The following XKR6 variants were observed in gnomAD, a reference collection of about 807,000 sequenced individuals.
The protein encoded by XKR6 is XK-related protein 6.
Under a neutral mutation model 56.7 loss-of-function variants are expected in XKR6, and 22 were observed. The observed-to-expected ratio is 0.39, with a 90% CI of 0.28 to 0.55. XKR6 has a LOEUF of 0.55. XKR6 is among the 20% of genes least tolerant of loss of function. XKR6 has a pLI of 0.66. For missense variants in XKR6, 852 were observed against 889.0 expected (o/e 0.96, Z 0.53); for synonymous variants, 524 against 387.8 (o/e 1.35, Z -4.13).
intron 1 of XKR6, among the ~76,000 whole-genome samples, chr8:11,135,054 G>A (rs1361423013): frequency 1.4e-5 from 2 of 147,242 alleles, no homozygotes; most frequent in African/African-American, 5.1e-5. Context: ...TTTTTTTGAG[G>A]CGGAGTCTCC....
intron 1 of XKR6, among the ~76,000 whole-genome samples, chr8:11,197,223 G>T (rs1449687059): frequency 6.6e-6 from 1 of 152,214 alleles, no homozygotes; most frequent in Non-Finnish European, 1.5e-5. Context: ...ATAGAAGGGT[G>T]CAAACACACA....
intron 1 of XKR6, among the ~76,000 whole-genome samples, chr8:10,980,051 T>C (rs1452705191): frequency 6.6e-6 from 1 of 152,188 alleles, no homozygotes; most frequent in Non-Finnish European, 1.5e-5. Flanking sequence ...GAAAACCCCA[T>C]CTGAGATGAA....
chr8:11,069,574 T>C (rs956252515), intron 1 of XKR6, among the ~76,000 whole-genome samples: 2 of 152,014 alleles, frequency 1.3e-5, no homozygotes, highest in Non-Finnish European at 1.5e-5. Context: ...CCAACTGCCA[T>C]CTTCCCCTGC....
At chr8:11,114,704 G>T (rs1326781601) in intron 1 of XKR6, among the ~76,000 whole-genome samples, 1 of 149,458 alleles carries the variant, frequency 6.7e-6, no homozygotes, top group Non-Finnish European at 1.5e-5. Context: ...ATATTTTAAT[G>T]AAGTCAGCTA....
chr8:11,177,980 C>T (rs1334237721), intron 1 of XKR6, among the ~76,000 whole-genome samples: 1 of 152,176 alleles, frequency 6.6e-6, no homozygotes, highest in Non-Finnish European at 1.5e-5. Flanking sequence ...GGTCCTTCTC[C>T]ACTGCAACCA....
chr8:10,951,313 C>CGG (rs1801717553), intron 1 of XKR6, among the ~76,000 whole-genome samples: 1 of 99,086 alleles, frequency 1.0e-5, no homozygotes, highest in African/African-American at 5.5e-5. Flanking sequence ...GGGGGGGGCC[C>CGG]CCACAGTGGT....
intron 1 of XKR6, among the ~76,000 whole-genome samples, chr8:11,057,842 G>A (rs1799724887): frequency 6.6e-6 from 1 of 152,178 alleles, no homozygotes. Flanking sequence ...TAAATGAGGA[G>A]TTCCTGAGGA....
chr8:10,896,838 T>C lies in XKR6; in HGVS notation c.*1114A>G, dbSNP rs1324467125. ...GATCAATTTAAGGCTTCCCACCAAA[T>C]GGAAACAGAAGAGGCTTTACACAAT... On this transcript the variant is annotated 3_prime_UTR_variant, in exon 3 of 3. Coordinates refer to ENST00000416569, the MANE Select transcript of XKR6 (RefSeq NM_173683.4). The C allele has an allele frequency of 6.6e-6, 1 of 152,416 alleles. No individual in the cohort carries two copies. The highest frequency in any genetic ancestry group is 1.5e-5 in the Non-Finnish European group (1 of 68,020). 9.4% of individuals were successfully genotyped at this position (152,416 alleles called of 1,614,324 possible).
chr8:11,042,664 A>G (rs1314534686), intron 1 of XKR6, among the ~76,000 whole-genome samples: 1 of 152,226 alleles, frequency 6.6e-6, no homozygotes, highest in African/African-American at 2.4e-5. Flanking sequence ...AAATCCAAAA[A>G]TCCCAAATCT....
intron 1 of XKR6, among the ~76,000 whole-genome samples, chr8:11,178,890 T>C (rs992909964): frequency 5.9e-5 from 9 of 151,618 alleles, no homozygotes; most frequent in African/African-American, 2.2e-4. Flanking sequence ...GGTTGGAGAG[T>C]AGAGTGCAGT....
At chr8:11,137,982 A>G (rs1390468533) in intron 1 of XKR6, 2 of 314,660 alleles carry the variant, frequency 6.4e-6, no homozygotes, top group African/African-American at 4.4e-5. Context: ...GCCCTGATGA[A>G]GCCGTCAGCA....
At chr8:10,987,728 A>G (rs886480006) in intron 1 of XKR6, among the ~76,000 whole-genome samples, 45 of 152,202 alleles carry the variant, frequency 3.0e-4, no homozygotes, top group Non-Finnish European at 5.0e-4. Context: ...AGCATTTACT[A>G]TGGCCCCAAG....
intron 1 of XKR6, among the ~76,000 whole-genome samples, chr8:10,969,951 C>G (rs1802353661): frequency 6.6e-6 from 1 of 152,260 alleles, no homozygotes; most frequent in Non-Finnish European, 1.5e-5. Flanking sequence ...TGTGGGGTCT[C>G]TACCGAAACC....
chr8:11,045,052 A>ACCATTT (rs1296199226), intron 1 of XKR6, among the ~76,000 whole-genome samples: 1 of 108,686 alleles, frequency 9.2e-6, no homozygotes, highest in Non-Finnish European at 1.9e-5. Context: ...CCTTTGTGTT[A>ACCATTT]CCATTTCCAC....
intron 1 of XKR6, among the ~76,000 whole-genome samples, chr8:11,121,840 G>C (rs1799472283): frequency 6.6e-6 from 1 of 152,178 alleles, no homozygotes; most frequent in Non-Finnish European, 1.5e-5. Context: ...ATACACAATG[G>C]AATACTATGC....
intron 1 of XKR6, among the ~76,000 whole-genome samples, chr8:11,055,643 G>A (rs545664976): frequency 6.6e-6 from 1 of 152,224 alleles, no homozygotes. Flanking sequence ...CAAATAACAG[G>A]TTTGGAGCTG....
At chr8:10,916,573 C>G (rs907684086) in intron 2 of XKR6, among the ~76,000 whole-genome samples, 1 of 152,208 alleles carries the variant, frequency 6.6e-6, no homozygotes, top group African/African-American at 2.4e-5. Context: ...CCAACTGATC[C>G]AACCGCTAAG....
At chr8:11,074,588 A>G (rs942665952) in intron 1 of XKR6, among the ~76,000 whole-genome samples, 1 of 152,226 alleles carries the variant, frequency 6.6e-6, no homozygotes, top group Admixed American at 6.5e-5. Flanking sequence ...GGAGTCCTTC[A>G]TTCCATCAAC....
At chr8:11,077,523 G>C (rs952455927) in intron 1 of XKR6, among the ~76,000 whole-genome samples, 1 of 152,194 alleles carries the variant, frequency 6.6e-6, no homozygotes, top group Admixed American at 6.5e-5. Flanking sequence ...GAAAGCTGGT[G>C]GCTCAGGGTC....
Sources: allele counts gnomAD v4.1 joint callset (sites outside exome capture counted in the v4.1 genomes callset), GRCh38; gene constraint gnomAD v4.1.1; transcripts MANE v1.5; gene names NCBI Gene and HGNC (gene_info 2026-07-23, HGNC 2026-07-21).